Variants in TUSC3 observed in about 807,000 individuals in gnomAD.
TUSC3 encodes the protein tumor suppressor candidate 3.
In TUSC3, 45 loss-of-function variants were observed where a neutral mutation model predicts 44.8. The ratio of observed to expected loss-of-function variants is 1.00; its 90% CI spans 0.79 to 1.29. TUSC3 has a LOEUF of 1.29. Ranked by LOEUF, TUSC3 falls within the 50% of genes most tolerant of loss-of-function variation. TUSC3 has a pLI of 0.00. For synonymous variants in TUSC3, 212 were observed against 152.9 expected (o/e 1.39, Z -2.85); for missense variants, 519 against 437.9 (o/e 1.19, Z -1.65).
intron 6 of TUSC3, among the ~76,000 whole-genome samples, chr8:15,725,123 G>A (rs1304609071): frequency 6.6e-6 from 1 of 152,002 alleles, no homozygotes; most frequent in African/African-American, 2.4e-5. Flanking sequence ...AAAATTTCAT[G>A]GGATTGATGG....
chr8:15,722,441 C>G (rs1485853012), intron 6 of TUSC3, among the ~76,000 whole-genome samples: 1 of 151,974 alleles, frequency 6.6e-6, no homozygotes, highest in Non-Finnish European at 1.5e-5. Context: ...TGAATCTAGT[C>G]TCTGGTTAGG....
At chr8:15,689,796 T>G (rs1286475237) in intron 6 of TUSC3, among the ~76,000 whole-genome samples, 1 of 151,800 alleles carries the variant, frequency 6.6e-6, no homozygotes, top group Non-Finnish European at 1.5e-5. Flanking sequence ...ATCTCATTCT[T>G]TTTTATGGCT....
In TUSC3 at chr8:15,549,170, T is replaced by A. The variant is rs1341582407; in HGVS notation, c.138+8602T>A. Among the ~76,000 whole-genome samples, 4 of 151,764 alleles carry A rather than the reference T, an allele frequency of 2.6e-5. 1 individual carries two copies. Among genetic ancestry groups the A allele is most frequent in the Non-Finnish European group, 5.9e-5 (4 of 67,878 alleles). ...CTATATGAATGCTTTTTAAAAGTACTTATTTATTTTATTTTATTTTTTGAG... is the reference window on the plus strand; with the variant it reads ...CTATATGAATGCTTTTTAAAAGTACATATTTATTTTATTTTATTTTTTGAG... On this transcript the variant is annotated intron_variant, in intron 1 of 10. Coordinates refer to ENST00000503731, the MANE Select transcript of TUSC3 (RefSeq NM_006765.4).
chr8:15,568,551 ACTT>A (rs911588613), intron 1 of TUSC3, among the ~76,000 whole-genome samples: 11 of 152,060 alleles, frequency 7.2e-5, no homozygotes, highest in African/African-American at 2.7e-4. Context: ...GACATTTATA[ACTT>A]CTTTCAGCTT....
chr8:15,746,915 A>G (rs1811442008), intron 8 of TUSC3, among the ~76,000 whole-genome samples: 2 of 152,092 alleles, frequency 1.3e-5, no homozygotes, highest in Admixed American at 6.6e-5. Context: ...ATAATTTTCA[A>G]AAATGTTTTT....
intron 1 of TUSC3, among the ~76,000 whole-genome samples, chr8:15,564,426 C>T (rs6981183): frequency 0.045 from 6,794 of 152,060 alleles, 468 homozygotes; most frequent in African/African-American, 0.15. Flanking sequence ...CACTGTCTAC[C>T]GTATATTATT....
chr8:15,637,724 A>G (rs1806155955), intron 2 of TUSC3, among the ~76,000 whole-genome samples: 1 of 151,892 alleles, frequency 6.6e-6, no homozygotes, highest in African/African-American at 2.4e-5. Flanking sequence ...GGATGGCTAG[A>G]CTTTTGAGTG....
intron 8 of TUSC3, among the ~76,000 whole-genome samples, chr8:15,744,063 T>G (rs11775027): frequency 0.045 from 6,884 of 152,312 alleles, 239 homozygotes; most frequent in East Asian, 0.16. Flanking sequence ...ATACTCTTAT[T>G]ACCTTTCTAT....
At chr8:15,479,720 C>T (rs908794776) in intron 1 of TUSC3, among the ~76,000 whole-genome samples, 1 of 152,118 alleles carries the variant, frequency 6.6e-6, no homozygotes. Flanking sequence ...CAGCATAATG[C>T]CTCCAGCTTT....
the TUSC3 span, among the ~76,000 whole-genome samples, chr8:15,797,087 C>T: frequency 2.6e-5 from 4 of 152,198 alleles, no homozygotes; most frequent in Non-Finnish European, 5.9e-5. Context: ...CTAATGGGCA[C>T]CTCCGAATGG....
rs186145609 is a variant in TUSC3 at position 15,423,070 on chromosome 8, A to G, written n.91+5765A>G. 8.1e-3 allele frequency among the ~76,000 whole-genome samples: 1,234 copies of G among 152,268 alleles called. 15 individuals carry two copies. The highest frequency in any genetic ancestry group is 0.029 in the African/African-American group (1,186 of 41,550). On this transcript the variant is annotated intron_variant and non_coding_transcript_variant, in intron 1 of 5. Transcript: ENST00000503191. ...AATATATAGAAATTTCTATCAAAAC[A>G]TGAGGTGGAAATGTTAAAAGTTTTT...
chr8:15,648,465 G>A (rs1472227402), intron 2 of TUSC3, among the ~76,000 whole-genome samples: 1 of 151,122 alleles, frequency 6.6e-6, no homozygotes, highest in African/African-American at 2.4e-5. Context: ...AGTGGCTCAC[G>A]CCTGTAATCC....
intron 6 of TUSC3, among the ~76,000 whole-genome samples, chr8:15,704,707 C>T (rs1271006070): frequency 6.6e-6 from 1 of 151,976 alleles, no homozygotes; most frequent in Non-Finnish European, 1.5e-5. Context: ...CCAATCCTAT[C>T]CCTCTTTTTC....
chr8:15,826,371 C>G, the TUSC3 span, among the ~76,000 whole-genome samples: 244 of 152,298 alleles, frequency 1.6e-3, 2 homozygotes, highest in African/African-American at 5.6e-3. Context: ...TTAGCACCCT[C>G]TATGCTTTCA....
intron 2 of TUSC3, among the ~76,000 whole-genome samples, chr8:15,640,450 G>A (rs371922959): frequency 2.0e-5 from 3 of 152,278 alleles, no homozygotes; most frequent in African/African-American, 7.2e-5. Context: ...CACCAAACGT[G>A]GTGATGGTAC....
At chr8:15,637,648 T>G (rs1349403735) in intron 2 of TUSC3, among the ~76,000 whole-genome samples, 19 of 152,156 alleles carry the variant, frequency 1.2e-4, no homozygotes, top group African/African-American at 4.1e-4. Flanking sequence ...ATTTGCTGCT[T>G]CTTAAAACTT....
intron 2 of TUSC3, among the ~76,000 whole-genome samples, chr8:15,487,632 T>C (rs1230042392): frequency 1.3e-5 from 2 of 152,218 alleles, no homozygotes; most frequent in Non-Finnish European, 2.9e-5. Flanking sequence ...TCAATCTTTC[T>C]TTTAGCTGAG....
intron 7 of TUSC3, among the ~76,000 whole-genome samples, chr8:15,738,708 A>ATCATT (rs1811040453): frequency 6.6e-6 from 1 of 151,976 alleles, no homozygotes; most frequent in Non-Finnish European, 1.5e-5. Flanking sequence ...ATTCCCTGCA[A>ATCATT]TCATTTCTTT....
chr8:15,740,076 C>G (rs981381066), intron 7 of TUSC3, among the ~76,000 whole-genome samples: 3 of 151,880 alleles, frequency 2.0e-5, no homozygotes, highest in Non-Finnish European at 2.9e-5. Context: ...AAATTTCTTT[C>G]AAAAACAATT....
Sources: gnomAD v4.1 joint callset for allele counts (sites outside exome capture counted in the v4.1 genomes callset) on GRCh38, gnomAD v4.1.1 for gene constraint, MANE v1.5 for transcripts, NCBI Gene and HGNC (gene_info 2026-07-23, HGNC 2026-07-21) for gene names.